The following UTP20 variants were observed in gnomAD, a reference collection of about 807,000 sequenced individuals.
The protein encoded by UTP20 is UTP20 small subunit processome component.
A neutral mutation model predicts 329.5 loss-of-function variants in UTP20; 164 were observed. That is an observed-to-expected ratio of 0.50 (90% confidence interval 0.44 to 0.57). UTP20 has a LOEUF of 0.57. UTP20 is among the 20% of genes least tolerant of loss of function. The pLI, the probability that UTP20 is intolerant of heterozygous loss-of-function variation, is 0.00. For synonymous variants in UTP20, 1,151 were observed against 1,159.3 expected (o/e 0.99, Z 0.14); for missense variants, 3,055 against 3,284.2 (o/e 0.93, Z 1.71).
At chr12:101,302,959 C>T (rs1002818167) in intron 15 of UTP20, among the ~76,000 whole-genome samples, 1 of 152,192 alleles carries the variant, frequency 6.6e-6, no homozygotes, top group African/African-American at 2.4e-5. Context: ...TTTTACTACA[C>T]ACTGAAACAA....
chr12:101,339,528 C>T (rs1869051675), intron 31 of UTP20, among the ~76,000 whole-genome samples: 1 of 152,032 alleles, frequency 6.6e-6, no homozygotes, highest in South Asian at 2.1e-4. Flanking sequence ...ACAGATTTTT[C>T]AAAATCCTAA....
intron 11 of UTP20, among the ~76,000 whole-genome samples, chr12:101,294,731 C>CG (rs751610982): frequency 7.3e-5 from 11 of 151,666 alleles, no homozygotes; most frequent in Non-Finnish European, 1.2e-4. Flanking sequence ...TTAGTAGAGA[C>CG]GGGGTTTTAC....
At chr12:101,371,491 T>TTG in intron 51 of UTP20, among the ~76,000 whole-genome samples, 1 of 150,850 alleles carries the variant, frequency 6.6e-6, no homozygotes, top group Non-Finnish European at 1.5e-5. Context: ...GGGCAGGACC[T>TTG]TGTGGTCTTG....
At chr12:101,361,051 A>G (rs989363039) in intron 43 of UTP20, among the ~76,000 whole-genome samples, 1 of 152,096 alleles carries the variant, frequency 6.6e-6, no homozygotes, top group Non-Finnish European at 1.5e-5. Flanking sequence ...TCACTCCACC[A>G]GTTCCTACCT....
In UTP20 at chr12:101,338,826, A is replaced by G. The variant is rs1043393547; in HGVS notation, c.3882A>G (p.Ile1294Met). 1.9e-6 allele frequency: 3 copies of G among 1,608,670 alleles called. No homozygotes were observed. The highest frequency in any genetic ancestry group is 2.7e-5 in the African/African-American group (2 of 74,624). The change falls in exon 31 of 62, where the codon ATA becomes ATG. Residue 1294 changes from isoleucine (I) to methionine (M), a missense_variant. Physicochemically the swap from Ile to Met is conservative, Grantham distance 10. Transcript: ENST00000261637. The part of the protein sequence containing the change: ...IAENIGESIT[I>M]GGRLILPHVP... ...TATCTATTTCAGAGTCTATCACAAT[A>G]GGAGGAAGATTAATTCTACCTCATG... is the stretch of plus-strand genomic sequence containing the variant.
Position 101,286,385 on chromosome 12 carries a change from T to C in UTP20, c.391T>C (p.Leu131=), listed in dbSNP as rs1479131512. The change falls in exon 5 of 62, where the codon TTG becomes CTG. Residue 131 remains leucine, a synonymous_variant. Coordinates refer to ENST00000261637, the MANE Select transcript of UTP20 (RefSeq NM_014503.3). ...CTACCCACACTTTCCAGAGTTTTTT[T>C]TGACTATCACCTCGATCCTGGAGAC... ...DFYPHFPEFF[L]TITSILETQD... 6.2e-7 allele frequency: 1 copy of C among 1,613,986 alleles called. No homozygotes were observed. The highest frequency in any genetic ancestry group is 1.7e-5 in the Admixed American group (1 of 59,992).
intron 32 of UTP20, among the ~76,000 whole-genome samples, 175 bp from the exon 33 acceptor site, chr12:101,342,271 G>A (rs1869164795): frequency 6.6e-6 from 1 of 152,082 alleles, no homozygotes; most frequent in African/African-American, 2.4e-5. Flanking sequence ...ACATTCTTAT[G>A]GGTTTTACAT....
chr12:101,306,146 T>C, intron 16 of UTP20, 81 bp downstream of exon 16: 1 of 1,419,854 alleles, frequency 7.0e-7, no homozygotes, highest in Non-Finnish European at 9.4e-7. Flanking sequence ...CAGAGCATCT[T>C]AGTTAGAAAG....
At chr12:101,373,261 A>G in intron 52 of UTP20, 140 bp from the exon 53 acceptor site, 1 of 791,606 alleles carries the variant, frequency 1.3e-6, no homozygotes, top group Non-Finnish European at 2.0e-6. Flanking sequence ...GATACATACA[A>G]GCATTAAAAT....
At chr12:101,381,253 T>G in intron 58 of UTP20, 42 bp downstream of exon 58, 10 of 1,525,346 alleles carry the variant, frequency 6.6e-6, no homozygotes, top group Non-Finnish European at 9.1e-6. Flanking sequence ...AGGGGCCGGC[T>G]GGGCATGGTG....
chr12:101,342,491 C>T lies in UTP20; in HGVS notation c.4147C>T (p.His1383Tyr). The T allele has an allele frequency of 6.2e-7, 1 of 1,612,200 alleles. No homozygotes were observed. Among genetic ancestry groups the T allele is most frequent in the East Asian group, 2.2e-5 (1 of 44,846 alleles). ...ILVTVQNLLK[H>Y]CVDPTSFLKP... Reference sequence around the variant, plus strand: ...GGTGACAGTACAAAACTTGTTAAAGCATTGTGTGGACCCTACAAGCTTCCT... The same window carrying T: ...GGTGACAGTACAAAACTTGTTAAAGTATTGTGTGGACCCTACAAGCTTCCT... The change falls in exon 33 of 62, where the codon CAT (histidine) becomes TAT (tyrosine). Residue 1383 changes from histidine (H) to tyrosine (Y), a missense_variant. Transcript: ENST00000261637.
In UTP20 at chr12:101,338,204, C is replaced by T. The variant is rs373933448; in HGVS notation, c.3795C>T (p.Phe1265=). The T allele has an allele frequency of 7.4e-6, 12 of 1,613,984 alleles. No homozygotes were observed. Among genetic ancestry groups the T allele is most frequent in the Middle Eastern group, 1.6e-4 (1 of 6,080 alleles). The change falls in exon 30 of 62, where the codon TTC becomes TTT. Residue 1265 remains phenylalanine (F), a synonymous_variant. Transcript: ENST00000261637. ...ATGACCTTCTTAACCTTCCAGATTT[C>T]GAGCCTACAGAAACAGTTTTGAACT... ...IVDDLLNLPD[F]EPTETVLNLL... is the part of the protein sequence containing the mutation.
intron 21 of UTP20, among the ~76,000 whole-genome samples, chr12:101,314,268 T>C (rs1872888880): frequency 6.6e-6 from 1 of 152,208 alleles, no homozygotes. Context: ...AGGAATAAAG[T>C]GACCGTTGGC....
intron 15 of UTP20, among the ~76,000 whole-genome samples, chr12:101,303,236 G>A (rs1593423875): frequency 1.3e-5 from 2 of 152,138 alleles, no homozygotes; most frequent in East Asian, 3.8e-4. Flanking sequence ...GTGAAACATA[G>A]TGAATAAAAC....
chr12:101,285,529 C>G, intron 2 of UTP20, 41 bp from the exon 3 acceptor site: 1 of 1,586,038 alleles, frequency 6.3e-7, no homozygotes, highest in Non-Finnish European at 8.6e-7. Flanking sequence ...TCATTGCTTT[C>G]TTAGAGTTAT....
At chr12:101,365,218 G>T in intron 45 of UTP20, among the ~76,000 whole-genome samples, 2 of 152,186 alleles carry the variant, frequency 1.3e-5, no homozygotes, top group Non-Finnish European at 1.5e-5. Context: ...AGAACAGGGA[G>T]GGAGTGGAGG....
Position 101,371,099 on chromosome 12 carries a change from G to T in UTP20, c.6729G>T (p.Glu2243Asp), listed in dbSNP as rs1870271278. Residue 2243 changes from glutamate to aspartate, a missense_variant, in exon 51 of 62, where the codon GAG becomes GAT. By Grantham distance (45) the Glu-to-Asp change is conservative. Transcript: ENST00000261637. ...SRKLLVPEID[E>D]VMRKVSKLAV... The stretch of plus-strand genomic sequence containing the variant: ...AGCTGTTGGTCCCAGAAATCGATGA[G>T]GTCATGCGGAAAGTATCCAAGTTGG... 1 of 1,613,974 alleles carries T rather than the reference G, an allele frequency of 6.2e-7. No individual in the cohort carries two copies. Among genetic ancestry groups the T allele is most frequent in the South Asian group, 1.1e-5 (1 of 91,066 alleles).
At chr12:101,283,266 G>A (rs1871855692) in intron 2 of UTP20, among the ~76,000 whole-genome samples, 1 of 152,306 alleles carries the variant, frequency 6.6e-6, no homozygotes, top group South Asian at 2.1e-4. Context: ...AATGGCCTCT[G>A]TCACGTGTCT....
chr12:101,326,962 G>A, intron 25 of UTP20, 119 bp from the exon 26 acceptor site: 1 of 985,702 alleles, frequency 1.0e-6, no homozygotes, highest in South Asian at 2.0e-5. Context: ...TCATGTTTCT[G>A]TGTTTTATAA....
Sources: gnomAD v4.1 joint callset for allele counts (sites outside exome capture counted in the v4.1 genomes callset) on GRCh38, gnomAD v4.1.1 for gene constraint, MANE v1.5 for transcripts, NCBI Gene and HGNC (gene_info 2026-07-23, HGNC 2026-07-21) for gene names.